Variants in DAB1 observed in about 807,000 individuals in gnomAD.
The protein encoded by DAB1 is disabled homolog 1.
DAB1 carries 15 observed loss-of-function variants against 64.6 expected under a neutral mutation model. The ratio of observed to expected loss-of-function variants is 0.23; its 90% CI spans 0.16 to 0.36. The LOEUF is 0.36. Ranked by LOEUF, DAB1 falls within the 10% of genes least tolerant of loss-of-function variation. The probability of loss-of-function intolerance (pLI) is 1.00; values close to 1 mark genes in which losing one functional copy is unlikely to be tolerated. For missense variants in DAB1, 596 were observed against 706.7 expected (o/e 0.84, Z 1.78); for synonymous variants, 235 against 251.9 (o/e 0.93, Z 0.64).
chr1:58,331,537 C>A (rs933555278), intron 4 of DAB1, among the ~76,000 whole-genome samples: 1 of 152,174 alleles, frequency 6.6e-6, no homozygotes, highest in African/African-American at 2.4e-5. Context: ...AAAGAGTCCA[C>A]TGATGCAGCA....
chr1:58,166,008 T>A (rs1655811866), intron 4 of DAB1, among the ~76,000 whole-genome samples: 1 of 152,184 alleles, frequency 6.6e-6, no homozygotes, highest in African/African-American at 2.4e-5. Context: ...GGTTAGTAAG[T>A]AAGTGGAAAG....
At chr1:57,036,123 A>G (rs1647142176) in intron 9 of DAB1, among the ~76,000 whole-genome samples, 1 of 151,842 alleles carries the variant, frequency 6.6e-6, no homozygotes, top group Non-Finnish European at 1.5e-5. Context: ...ATATTTTTTT[A>G]ATGCTAGGAA....
chr1:57,329,676 A>C (rs1570291402), intron 1 of DAB1, among the ~76,000 whole-genome samples: 1 of 150,576 alleles, frequency 6.6e-6, no homozygotes, highest in East Asian at 1.9e-4. Flanking sequence ...AAAAAAAAAA[A>C]AAAACCCACA....
At chr1:57,287,464 A>C (rs1166966085) in intron 2 of DAB1, among the ~76,000 whole-genome samples, 1 of 152,252 alleles carries the variant, frequency 6.6e-6, no homozygotes, top group African/African-American at 2.4e-5. Flanking sequence ...TTATCACTAA[A>C]TATTATAATG....
At position 58,318,872 on chromosome 1, in the gene DAB1, C is replaced by A. The variant is rs185156553; in HGVS notation, n.309+24480G>T. On this transcript the variant is annotated intron_variant and non_coding_transcript_variant, in intron 4 of 20. Transcript: ENST00000485760. ...CCCCTTTCCGAGGTGCCGAATGTAA[C>A]CCCCTCTGCAGCTAACAGACATTTG... 2.8e-3 allele frequency among the ~76,000 whole-genome samples: 420 copies of A among 152,258 alleles called. 6 individuals are homozygous for A. Among genetic ancestry groups the A allele is most frequent in the African/African-American group, 9.0e-3 (376 of 41,552 alleles).
chr1:57,279,341 T>C (rs1671713623), intron 2 of DAB1, among the ~76,000 whole-genome samples: 1 of 152,234 alleles, frequency 6.6e-6, no homozygotes, highest in Admixed American at 6.5e-5. Context: ...GAAAATGCTA[T>C]GTAATAGCTA....
chr1:58,267,436 A>G (rs1661197115), intron 4 of DAB1, among the ~76,000 whole-genome samples: 1 of 152,122 alleles, frequency 6.6e-6, no homozygotes, highest in South Asian at 2.1e-4. Flanking sequence ...AAACAGCTAC[A>G]GGCACCTCCA....
At chr1:57,999,553 G>C (rs1159773470) in intron 5 of DAB1, among the ~76,000 whole-genome samples, 1 of 152,180 alleles carries the variant, frequency 6.6e-6, no homozygotes, top group Non-Finnish European at 1.5e-5. Flanking sequence ...TCTCAACCAA[G>C]AGCAATTCTG....
intron 4 of DAB1, among the ~76,000 whole-genome samples, chr1:58,265,607 C>A (rs912502): frequency 0.92 from 140,062 of 152,318 alleles, 64,394 homozygotes; most frequent in South Asian, 0.95. Context: ...GAATATTAAT[C>A]AATTCTGTTT....
intron 2 of DAB1, among the ~76,000 whole-genome samples, chr1:57,242,873 T>TTCG (rs1668594331): frequency 6.6e-6 from 1 of 152,224 alleles, no homozygotes; most frequent in African/African-American, 2.4e-5. Flanking sequence ...ACAGTCTCCA[T>TTCG]TCGTCATTCC....
intron 6 of DAB1, among the ~76,000 whole-genome samples, chr1:57,689,731 T>C (rs910913189): frequency 2.0e-5 from 3 of 152,206 alleles, no homozygotes; most frequent in African/African-American, 4.8e-5. Context: ...TGAGTACCCA[T>C]CCCAACAAGC....
Position 58,327,252 on chromosome 1 carries a change from C to T in DAB1, n.309+16100G>A, listed in dbSNP as rs139608495. ...TACTTTATTGAATTTGACTTTTCTT[C>T]CCATGATAATAAATAGAATATGGGG... On this transcript the variant is annotated intron_variant and non_coding_transcript_variant, in intron 4 of 20. Transcript: ENST00000485760. Among the ~76,000 whole-genome samples the T allele has an allele frequency of 3.6e-3, 543 of 151,970 alleles. 4 individuals are homozygous for T. Among genetic ancestry groups the T allele is most frequent in the Non-Finnish European group, 5.6e-3 (384 of 67,994 alleles).
At chr1:57,582,682 G>C (rs753906627) in intron 7 of DAB1, among the ~76,000 whole-genome samples, 18 of 152,238 alleles carry the variant, frequency 1.2e-4, no homozygotes, top group Admixed American at 3.9e-4. Context: ...GAGGATTCAG[G>C]AGAGCTGGAT....
Position 58,039,166 on chromosome 1 carries a change from C to A in DAB1, n.387+111345G>T, listed in dbSNP as rs541167844. 1.3e-3 allele frequency among the ~76,000 whole-genome samples: 191 copies of A among 152,310 alleles called. 2 individuals are homozygous for A. The highest frequency in any genetic ancestry group is 4.0e-3 in the Admixed American group (62 of 15,312). ...ATTCCTAGAGATAGTAACAAACTCT[C>A]TCAGGAGCTCACCTTTCAAATGTTA... is the stretch of plus-strand genomic sequence containing the variant. On this transcript the variant is annotated intron_variant and non_coding_transcript_variant, in intron 5 of 20. Coordinates refer to the DAB1 transcript ENST00000485760.
chr1:57,367,087 A>T (rs367634008), intron 1 of DAB1, among the ~76,000 whole-genome samples: 1 of 102,052 alleles, frequency 9.8e-6, no homozygotes. Flanking sequence ...ATAAAATAAA[A>T]TAAAATAAAA....
chr1:57,331,020 C>T (rs1435160923), intron 1 of DAB1, among the ~76,000 whole-genome samples: 1 of 152,096 alleles, frequency 6.6e-6, no homozygotes, highest in Non-Finnish European at 1.5e-5. Context: ...CCAGTTCATA[C>T]CAAAGTACCT....
chr1:57,731,313 A>T (rs749798177), intron 6 of DAB1, among the ~76,000 whole-genome samples: 9 of 152,130 alleles, frequency 5.9e-5, no homozygotes, highest in Non-Finnish European at 1.3e-4. Context: ...TTTCCAGGGG[A>T]CAGGGCCTGG....
intron 1 of DAB1, among the ~76,000 whole-genome samples, chr1:57,875,916 A>G (rs1056525027): frequency 1.3e-5 from 2 of 152,304 alleles, no homozygotes; most frequent in South Asian, 4.2e-4. Context: ...TTTCTGAAAC[A>G]TATATATTAG....
At chr1:58,486,388 T>C (rs1198225442) in intron 3 of DAB1, among the ~76,000 whole-genome samples, 1 of 152,226 alleles carries the variant, frequency 6.6e-6, no homozygotes, top group African/African-American at 2.4e-5. Context: ...TACTATTTCC[T>C]GCGACCATCT....
Sources: gnomAD v4.1 joint callset for allele counts (sites outside exome capture counted in the v4.1 genomes callset) on GRCh38, gnomAD v4.1.1 for gene constraint, MANE v1.5 for transcripts, NCBI Gene and HGNC (gene_info 2026-07-23, HGNC 2026-07-21) for gene names.